Variants in CHIT1 observed in about 807,000 individuals in gnomAD.
CHIT1 encodes the protein chitinase 1, also known as chitotriosidase-1.
CHIT1 carries 47 observed loss-of-function variants against 52.0 expected under a neutral mutation model. The observed-to-expected ratio is 0.90, with a 90% CI of 0.71 to 1.15. CHIT1 has a LOEUF of 1.15. CHIT1 is among the 50% of genes most tolerant of loss of function. The pLI is 0.00. For synonymous variants in CHIT1, 242 were observed against 228.2 expected, an observed-to-expected ratio of 1.06 and a Z score of -0.54; for missense variants, 569 against 583.0, an observed-to-expected ratio of 0.98 and a Z score of 0.25.
rs143841761 is a variant in CHIT1 at position 203,226,097 on chromosome 1, G to A, written c.56-227C>T. Among the ~76,000 whole-genome samples, 43 of 152,334 alleles carry A rather than the reference G, an allele frequency of 2.8e-4. No individual in the cohort carries two copies. The East Asian group carries it at 6.9e-3, about 25-fold the overall frequency. ...ATGGGATCCTCAGAACACTGAGTGG[G>A]CAGGACCATCATCTTCTAAGCCTTC... On this transcript the variant is annotated intron_variant, in intron 2 of 10. Coordinates refer to ENST00000367229, the MANE Select transcript of CHIT1 (RefSeq NM_003465.3).
intron 7 of CHIT1, 33 bp from the exon 8 acceptor site, chr1:203,219,882 C>G: frequency 1.9e-6 from 3 of 1,610,168 alleles, no homozygotes; most frequent in Non-Finnish European, 2.5e-6. Context: ...ATTTTCTCAG[C>G]CCTCAGCCTG....
At chr1:203,228,425 C>G in intron 2 of CHIT1, 108 bp downstream of exon 2, 1 of 1,189,402 alleles carries the variant, frequency 8.4e-7, no homozygotes, top group South Asian at 1.3e-5. Flanking sequence ...GGAAGAGAGT[C>G]CCCACTGAAA....
chr1:203,217,386 C>A, intron 10 of CHIT1: 8 of 1,499,768 alleles, frequency 5.3e-6, no homozygotes, highest in Non-Finnish European at 7.1e-6. Flanking sequence ...CAAGCACAAC[C>A]ATATACTGCT....
At chr1:203,225,608 G>T in intron 3 of CHIT1, 61 bp downstream of exon 3, 1 of 1,549,504 alleles carries the variant, frequency 6.5e-7, no homozygotes, top group Non-Finnish European at 8.9e-7. Flanking sequence ...TCTGGCTCTG[G>T]GAGGAGGTTA....
Position 203,225,213 on chromosome 1 carries a change from C to A in CHIT1, c.258-109G>T. 5.0e-6 allele frequency: 5 copies of A among 1,000,176 alleles called. No individual in the cohort carries two copies. The South Asian group carries it at 5.2e-5, about 11-fold the overall frequency. 62.0% of individuals were successfully genotyped at this position (1,000,176 alleles called of 1,614,324 possible). A position where few individuals can be genotyped will look rare whatever the true frequency, so the allele number is the denominator to read the frequency against. On this transcript the variant is annotated intron_variant, in intron 3 of 10. Coordinates refer to ENST00000367229, the MANE Select transcript of CHIT1 (RefSeq NM_003465.3). ...ACAGGGGTGGGGACGTGTGAAAGTG[C>A]CTATGTGCAGAGACTGTATTAGGCA...
chr1:203,224,994 G>T, intron 4 of CHIT1, 54 bp downstream of exon 4: 1 of 1,522,290 alleles, frequency 6.6e-7, no homozygotes, highest in Non-Finnish European at 9.1e-7. Context: ...TCTGGCCAGT[G>T]CACCAGGTTC....
chr1:203,222,736 TTCTAATGA>T (rs1558161009), intron 6 of CHIT1, among the ~76,000 whole-genome samples: 1 of 152,186 alleles, frequency 6.6e-6, no homozygotes. Context: ...GAGTCCATAA[TTCTAATGA>T]GCACCTGGTT....
intron 7 of CHIT1, among the ~76,000 whole-genome samples, chr1:203,221,948 G>T (rs1421177045): frequency 6.6e-6 from 1 of 152,138 alleles, no homozygotes; most frequent in Non-Finnish European, 1.5e-5. Flanking sequence ...TTCCCCATTG[G>T]TCACTTGTTT....
At chr1:203,217,162 G>C (rs966257780) in intron 10 of CHIT1, 29 bp from the exon 11 acceptor site, 2 of 1,599,768 alleles carry the variant, frequency 1.3e-6, no homozygotes, top group African/African-American at 1.3e-5. Context: ...TTCAACCAAG[G>C]CTCCCCCGAA....
At chr1:203,221,642 TA>T (rs1656739719) in intron 7 of CHIT1, among the ~76,000 whole-genome samples, 1 of 151,918 alleles carries the variant, frequency 6.6e-6, no homozygotes, top group Middle Eastern at 3.4e-3. Flanking sequence ...TATATAAAAT[TA>T]AAAAAAATTA....
At position 203,216,948 on chromosome 1, in the gene CHIT1, G is replaced by A. The variant is rs201295432; in HGVS notation, c.1342C>T (p.Gln448Ter). 41 of 1,614,196 alleles carry A rather than the reference G, an allele frequency of 2.5e-5. No individual in the cohort carries two copies. The African/African-American group carries it at 4.7e-4, about 18-fold the overall frequency. The change falls in exon 11 of 11, where the codon CAA (glutamine) becomes TAA (stop). Residue 448 changes from glutamine to a stop codon, truncating the protein, a stop_gained. Transcript: ENST00000367229. LOFTEE classifies it high-confidence loss of function. Reference sequence around the variant, plus strand: ...AACACCAGGCCTGTCGGGCAGCTTTGCTGGAACAGCCGCCCCGCTGCACAG... The same window carrying A: ...AACACCAGGCCTGTCGGGCAGCTTTACTGGAACAGCCGCCCCGCTGCACAG... ...YSCAAGRLFQQSCPTGLVFSN... is the reference protein window; with the variant it reads ...YSCAAGRLFQ
rs2102229868 is a variant in CHIT1 at position 203,217,752 on chromosome 1, T to C, written c.1143A>G (p.Leu381=). 1 of 1,613,740 alleles carries C rather than the reference T, an allele frequency of 6.2e-7. No homozygotes were observed. The part of the protein sequence containing the change: ...NQGRYPLIQT[L]RQELSLPYLP... ...CCCCTTACTTACTCAGTTCCTGCCGTAGCGTCTGGATGAGGGGGTATCGGC... is the reference window on the plus strand; with the variant it reads ...CCCCTTACTTACTCAGTTCCTGCCGCAGCGTCTGGATGAGGGGGTATCGGC... The change falls in exon 10 of 11, where the codon CTA becomes CTG. Residue 381 remains leucine, a synonymous_variant. Transcript: ENST00000367229.
chr1:203,217,371 A>G, intron 10 of CHIT1: 3 of 1,504,152 alleles, frequency 2.0e-6, no homozygotes, highest in Non-Finnish European at 1.8e-6. Flanking sequence ...GGCTTTACCC[A>G]TCTGCAAGCA....
intron 9 of CHIT1, among the ~76,000 whole-genome samples, chr1:203,218,641 C>T (rs1424433997): frequency 2.0e-5 from 3 of 152,184 alleles, no homozygotes; most frequent in African/African-American, 7.2e-5. Context: ...AAATACCCTT[C>T]CACCGTGACC....
intron 8 of CHIT1, 93 bp downstream of exon 8, chr1:203,219,571 T>C (rs1232006204): frequency 1.4e-6 from 2 of 1,431,078 alleles, no homozygotes; most frequent in Non-Finnish European, 2.0e-6. Context: ...GCAATTGGCA[T>C]CCTTACTCAG....
intron 1 of CHIT1, among the ~76,000 whole-genome samples, chr1:203,229,056 ACAG>A (rs1482773727): frequency 2.0e-5 from 3 of 152,128 alleles, no homozygotes; most frequent in Non-Finnish European, 2.9e-5. Flanking sequence ...GTAGGCAACC[ACAG>A]CCTTGGAGAC....
At position 203,222,306 on chromosome 1, in the gene CHIT1, G is replaced by C; in HGVS notation, c.625C>G (p.Leu209Val). 6.2e-7 allele frequency: 1 copy of C among 1,614,200 alleles called. No individual in the cohort carries two copies. Among genetic ancestry groups the C allele is most frequent in the Non-Finnish European group, 8.5e-7 (1 of 1,180,038 alleles). The change falls in exon 7 of 11, where the codon CTT becomes GTT. Residue 209 changes from leucine (L) to valine (V), a missense_variant. Physicochemically the swap from Leu to Val is conservative, Grantham distance 32. Transcript: ENST00000367229. ...GAGCCATGGAAGTCGTAGGCCATAAGGTTGACAAAATCCAGGTTCCTGCAG... is the reference window on the plus strand; with the variant it reads ...GAGCCATGGAAGTCGTAGGCCATAACGTTGACAAAATCCAGGTTCCTGCAG... ...KIAQNLDFVN[L>V]MAYDFHGSWE...
chr1:203,227,818 C>T (rs1045296851), intron 2 of CHIT1, among the ~76,000 whole-genome samples: 4 of 152,178 alleles, frequency 2.6e-5, no homozygotes, highest in Admixed American at 2.0e-4. Flanking sequence ...GTTTCTGTGC[C>T]CCCGGCTGTT....
At chr1:203,230,031 T>C (rs1657077031), upstream of CHIT1, 11 of 303,040 alleles carry the variant, frequency 3.6e-5, no homozygotes, top group South Asian at 3.8e-4. Flanking sequence ...GGCAGCTGGG[T>C]TCCAGACCAG....
Sources: gnomAD v4.1 joint callset for allele counts (sites outside exome capture counted in the v4.1 genomes callset) on GRCh38, gnomAD v4.1.1 for gene constraint, MANE v1.5 for transcripts, NCBI Gene and HGNC (gene_info 2026-07-23, HGNC 2026-07-21) for gene names.